The following R3HCC1L variants were observed in gnomAD, a reference collection of about 807,000 sequenced individuals.
The protein encoded by R3HCC1L is R3H domain and coiled-coil containing 1 like.
In R3HCC1L, 51 loss-of-function variants were observed where a neutral mutation model predicts 59.9. The ratio of observed to expected loss-of-function variants is 0.85; its 90% confidence interval spans 0.68 to 1.07. The LOEUF (loss-of-function observed/expected upper bound fraction) is 1.07, where lower values mean the gene tolerates loss of function less well. Ranked by LOEUF, R3HCC1L falls within the 50% of genes least tolerant of loss-of-function variation. The pLI is 0.00. For missense variants in R3HCC1L, 965 were observed against 933.0 expected (o/e 1.03, Z -0.45); for synonymous variants, 322 against 315.2 (o/e 1.02, Z -0.23).
chr10:98,219,934 T>C (rs1854671758), intron 5 of R3HCC1L, among the ~76,000 whole-genome samples: 1 of 152,186 alleles, frequency 6.6e-6, no homozygotes, highest in Non-Finnish European at 1.5e-5. Context: ...CTTACAAGAC[T>C]TGGGACATTT....
chr10:98,182,727 C>A (rs1413772575), intron 4 of R3HCC1L, among the ~76,000 whole-genome samples: 1 of 152,184 alleles, frequency 6.6e-6, no homozygotes, highest in East Asian at 1.9e-4. Flanking sequence ...TTGTTTACCT[C>A]CTCAAGCCTC....
At chr10:98,228,964 C>T (rs371120276) in intron 5 of R3HCC1L, among the ~76,000 whole-genome samples, 1 of 152,072 alleles carries the variant, frequency 6.6e-6, no homozygotes, top group African/African-American at 2.4e-5. Context: ...GGTACCAGTA[C>T]CATGCTGTTT....
At chr10:98,200,268 G>T (rs1998754) in intron 4 of R3HCC1L, among the ~76,000 whole-genome samples, 19,237 of 152,000 alleles carry the variant, frequency 0.13, 1,265 homozygotes, top group Middle Eastern at 0.17. Context: ...AGTATTTACA[G>T]CAATAGGCTA....
chr10:98,221,765 T>A (rs990505571), intron 5 of R3HCC1L, among the ~76,000 whole-genome samples: 2 of 152,266 alleles, frequency 1.3e-5, no homozygotes, highest in Non-Finnish European at 2.9e-5. Flanking sequence ...AGTACCATGC[T>A]GTTTTGGTTA....
intron 4 of R3HCC1L, among the ~76,000 whole-genome samples, chr10:98,167,478 T>C (rs958533349): frequency 1.3e-5 from 2 of 152,256 alleles, no homozygotes; most frequent in Non-Finnish European, 2.9e-5. Context: ...CATTTATAAG[T>C]ATTCATTTTT....
At chr10:98,211,343 T>C in intron 5 of R3HCC1L, 1 of 1,533,704 alleles carries the variant, frequency 6.5e-7, no homozygotes, top group Non-Finnish European at 8.7e-7. Flanking sequence ...GAACCACTGC[T>C]CAAAGGTAAT....
chr10:98,195,434 A>G (rs556239601), intron 4 of R3HCC1L, among the ~76,000 whole-genome samples: 94 of 151,872 alleles, frequency 6.2e-4, no homozygotes, highest in African/African-American at 2.2e-3. Context: ...GTGAAGAGGT[A>G]AATTTATGTT....
intron 4 of R3HCC1L, chr10:98,174,746 A>G (rs1339293622): frequency 1.0e-6 from 1 of 983,240 alleles, no homozygotes; most frequent in Non-Finnish European, 1.2e-6. Context: ...ACACCAAATC[A>G]TGGAAAATCT....
chr10:98,168,749 A>G (rs910789242), intron 4 of R3HCC1L, among the ~76,000 whole-genome samples: 1 of 152,180 alleles, frequency 6.6e-6, no homozygotes, highest in Non-Finnish European at 1.5e-5. Context: ...TTTGATGTAC[A>G]GGTTTCTTCT....
intron 5 of R3HCC1L, among the ~76,000 whole-genome samples, chr10:98,213,688 C>G (rs1420343431): frequency 6.6e-6 from 1 of 152,080 alleles, no homozygotes; most frequent in African/African-American, 2.4e-5. Flanking sequence ...AATCTATAGA[C>G]TTTATTTTTG....
chr10:98,216,223 T>C (rs1207932749), intron 5 of R3HCC1L, among the ~76,000 whole-genome samples: 1 of 152,132 alleles, frequency 6.6e-6, no homozygotes, highest in Non-Finnish European at 1.5e-5. Flanking sequence ...TTAAAAAATA[T>C]ATGTTCTTAC....
chr10:98,228,726 T>A (rs924296854), intron 5 of R3HCC1L, among the ~76,000 whole-genome samples: 2 of 152,206 alleles, frequency 1.3e-5, no homozygotes, highest in African/African-American at 4.8e-5. Context: ...GGTCTAACAT[T>A]TAAGTCTTTA....
chr10:98,163,546 A>G (rs1847646631), intron 4 of R3HCC1L, 149 bp downstream of exon 4: 1 of 457,802 alleles, frequency 2.2e-6, no homozygotes, highest in South Asian at 6.9e-5. Context: ...CCTGAAAGGT[A>G]TAGGGTCTTT....
intron 2 of R3HCC1L, among the ~76,000 whole-genome samples, chr10:98,160,743 A>G (rs1847336007): frequency 6.6e-6 from 1 of 152,172 alleles, no homozygotes; most frequent in Non-Finnish European, 1.5e-5. Context: ...CTCTACAAAA[A>G]TGTTTATACT....
intron 4 of R3HCC1L, among the ~76,000 whole-genome samples, chr10:98,173,368 C>G (rs1214705253): frequency 6.6e-6 from 1 of 152,160 alleles, no homozygotes; most frequent in Non-Finnish European, 1.5e-5. Context: ...TCACTGATCA[C>G]TTTAGACCTC....
At chr10:98,191,122 G>T (rs961995885) in intron 4 of R3HCC1L, among the ~76,000 whole-genome samples, 5 of 152,236 alleles carry the variant, frequency 3.3e-5, no homozygotes, top group Middle Eastern at 3.4e-3. Flanking sequence ...ATATGTGTGT[G>T]TGTGTCTTTA....
rs7089966 is a variant in R3HCC1L at position 98,237,077 on chromosome 10, C to A, written c.2269+913C>A. Among the ~76,000 whole-genome samples the A allele has an allele frequency of 6.7e-3, 1,019 of 152,346 alleles. 17 individuals carry two copies. The highest frequency in any genetic ancestry group is 0.023 in the African/African-American group (939 of 41,570). ...TTAGTGATAGCAGGCAGCTTGCGGA[C>A]TCCCAGCTGCACTGGCCAGATAACC... On this transcript the variant is annotated intron_variant, in intron 9 of 9. Coordinates refer to ENST00000298999, the MANE Select transcript of R3HCC1L (RefSeq NM_001351015.2).
intron 5 of R3HCC1L, among the ~76,000 whole-genome samples, chr10:98,221,125 G>A (rs1349456600): frequency 1.5e-4 from 22 of 150,636 alleles, no homozygotes; most frequent in Middle Eastern, 6.9e-3. Flanking sequence ...TTCTCTGATG[G>A]CCAGTGATGA....
intron 1 of R3HCC1L, among the ~76,000 whole-genome samples, chr10:98,149,999 T>C (rs974875699): frequency 2.0e-5 from 3 of 152,222 alleles, no homozygotes; most frequent in African/African-American, 7.2e-5. Context: ...GCAGCGCTGG[T>C]CTTTTTTCTC....
Sources: allele counts gnomAD v4.1 joint callset (sites outside exome capture counted in the v4.1 genomes callset), GRCh38; gene constraint gnomAD v4.1.1; transcripts MANE v1.5; gene names NCBI Gene and HGNC (gene_info 2026-07-23, HGNC 2026-07-21).